CNTNAP2: variants seen among roughly 807,000 people sequenced by gnomAD.
CNTNAP2 encodes contactin associated protein 2, also known as contactin-associated protein-like 2.
Under a neutral mutation model 155.2 loss-of-function variants are expected in CNTNAP2, and 98 were observed. The observed-to-expected ratio is 0.63, with a 90% confidence interval of 0.54 to 0.75. The LOEUF (loss-of-function observed/expected upper bound fraction) is 0.75. CNTNAP2 is among the 30% of genes least tolerant of loss of function. The probability of loss-of-function intolerance (pLI) is 0.00; values close to 1 mark genes in which losing one functional copy is unlikely to be tolerated. For missense variants in CNTNAP2, 1,727 were observed against 1,688.1 expected (o/e 1.02, Z -0.40); for synonymous variants, 651 against 631.2 (o/e 1.03, Z -0.47).
At chr7:146,567,811 C>G (rs1025249076) in intron 1 of CNTNAP2, among the ~76,000 whole-genome samples, 3 of 152,106 alleles carry the variant, frequency 2.0e-5, no homozygotes, top group Non-Finnish European at 4.4e-5. Flanking sequence ...AGCTCCGCCT[C>G]CCGGGTTCAG....
intron 22 of CNTNAP2, among the ~76,000 whole-genome samples, chr7:148,407,555 T>A (rs1042700244): frequency 6.6e-5 from 10 of 151,794 alleles, no homozygotes; most frequent in African/African-American, 7.3e-5. Flanking sequence ...AATAAAAAAA[T>A]TTGCCAGGTG....
chr7:147,804,178 A>T (rs573169145), intron 13 of CNTNAP2, among the ~76,000 whole-genome samples: 2 of 152,338 alleles, frequency 1.3e-5, no homozygotes, highest in South Asian at 4.1e-4. Context: ...CCAGATCTAT[A>T]AAGGGATCTA....
At chr7:146,904,556 G>C (rs142109218) in intron 3 of CNTNAP2, among the ~76,000 whole-genome samples, 2,233 of 152,136 alleles carry the variant, frequency 0.015, 58 homozygotes, top group African/African-American at 0.051. Flanking sequence ...ACTGCAAGCT[G>C]CGCCTCCCAG....
chr7:148,034,620 G>A (rs568227154), intron 15 of CNTNAP2, among the ~76,000 whole-genome samples: 4 of 152,296 alleles, frequency 2.6e-5, no homozygotes, highest in South Asian at 2.1e-4. Flanking sequence ...CAAAACAGAC[G>A]AAGACAGAAA....
intron 10 of CNTNAP2, among the ~76,000 whole-genome samples, chr7:147,457,558 A>T (rs1184716016): frequency 6.7e-5 from 3 of 44,560 alleles, no homozygotes; most frequent in African/African-American, 3.5e-4. Context: ...AAGATATGAG[A>T]GGTTTTTTTT....
intron 1 of CNTNAP2, among the ~76,000 whole-genome samples, chr7:146,530,630 C>T (rs1797756719): frequency 6.6e-6 from 1 of 152,098 alleles, no homozygotes; most frequent in East Asian, 1.9e-4. Flanking sequence ...AAATGCTGAA[C>T]ATCACTAATC....
chr7:146,376,236 G>GA (rs944339815), intron 1 of CNTNAP2, among the ~76,000 whole-genome samples: 2 of 151,994 alleles, frequency 1.3e-5, no homozygotes, highest in East Asian at 1.9e-4. Context: ...ATACAATGGG[G>GA]AAAAAAATTG....
At chr7:147,646,856 A>T (rs1795373560) in intron 13 of CNTNAP2, among the ~76,000 whole-genome samples, 2 of 152,230 alleles carry the variant, frequency 1.3e-5, no homozygotes, top group African/African-American at 4.8e-5. Context: ...ACGTGGACTT[A>T]TTGAATAGTT....
intron 23 of CNTNAP2, among the ~76,000 whole-genome samples, chr7:148,413,401 A>AAAAAAAAAAATAT (rs1442990213): frequency 1.5e-4 from 7 of 45,362 alleles, no homozygotes; most frequent in Admixed American, 1.8e-4. Context: ...TCAAAAAAAA[A>AAAAAAAAAAATAT]ATATATATAT....
At chr7:148,299,251 A>G (rs913174564) in intron 21 of CNTNAP2, among the ~76,000 whole-genome samples, 1 of 152,154 alleles carries the variant, frequency 6.6e-6, no homozygotes, top group Non-Finnish European at 1.5e-5. Context: ...CAGCCTCCCA[A>G]AATGCTGGTA....
At chr7:146,948,698 T>C (rs1032155046) in intron 3 of CNTNAP2, among the ~76,000 whole-genome samples, 7 of 152,218 alleles carry the variant, frequency 4.6e-5, no homozygotes, top group Middle Eastern at 3.2e-3. Context: ...GACAACTCTT[T>C]GGATGAGGTG....
chr7:147,942,753 A>T (rs1384662881), intron 14 of CNTNAP2, among the ~76,000 whole-genome samples: 1 of 152,160 alleles, frequency 6.6e-6, no homozygotes, highest in Non-Finnish European at 1.5e-5. Context: ...ACTGTGTCTT[A>T]CTGGCCAGGC....
chr7:146,251,941 T>C (rs557589948), intron 1 of CNTNAP2, among the ~76,000 whole-genome samples: 12 of 152,308 alleles, frequency 7.9e-5, no homozygotes, highest in African/African-American at 2.6e-4. Flanking sequence ...CAATCTCAAT[T>C]CTCAAAGGCT....
intron 13 of CNTNAP2, among the ~76,000 whole-genome samples, chr7:147,835,935 C>T (rs1234265610): frequency 6.6e-6 from 1 of 152,180 alleles, no homozygotes; most frequent in African/African-American, 2.4e-5. Flanking sequence ...AACCTCCTCC[C>T]CTGGAGCTGT....
chr7:148,232,866 G>A lies in CNTNAP2; in HGVS notation c.3381+3087G>A, dbSNP rs999835273. 5.3e-5 allele frequency among the ~76,000 whole-genome samples: 8 copies of A among 152,190 alleles called. 1 individual carries two copies. Among genetic ancestry groups the A allele is most frequent in the African/African-American group, 1.7e-4 (7 of 41,446 alleles). ...CATTAAATTAATCTGCATTCCCTCA[G>A]CACACACCCTGTGAAACAGCACTGA... On this transcript the variant is annotated intron_variant, in intron 20 of 23. Coordinates refer to ENST00000361727, the MANE Select transcript of CNTNAP2 (RefSeq NM_014141.6).
At chr7:148,328,736 G>A (rs554553222) in intron 21 of CNTNAP2, among the ~76,000 whole-genome samples, 7 of 152,078 alleles carry the variant, frequency 4.6e-5, no homozygotes, top group African/African-American at 9.6e-5. Context: ...GTGGGAGGCC[G>A]AGGCGGGTGG....
intron 1 of CNTNAP2, among the ~76,000 whole-genome samples, chr7:146,543,108 A>G: frequency 6.6e-6 from 1 of 151,940 alleles, no homozygotes; most frequent in East Asian, 1.9e-4. Context: ...ATGCAATGTT[A>G]ATTACCCAAA....
intron 8 of CNTNAP2, among the ~76,000 whole-genome samples, chr7:147,271,949 A>G (rs1804762240): frequency 6.6e-6 from 1 of 151,946 alleles, no homozygotes; most frequent in African/African-American, 2.4e-5. Flanking sequence ...CTGGAGTGCT[A>G]TGGCGCAGTC....
At chr7:148,353,806 A>G (rs936021411) in intron 21 of CNTNAP2, among the ~76,000 whole-genome samples, 1 of 152,230 alleles carries the variant, frequency 6.6e-6, no homozygotes, top group Admixed American at 6.5e-5. Context: ...TAAAATAAGT[A>G]CATTTTTGGG....
Sources: gnomAD v4.1 joint callset for allele counts (sites outside exome capture counted in the v4.1 genomes callset) on GRCh38, gnomAD v4.1.1 for gene constraint, MANE v1.5 for transcripts, NCBI Gene and HGNC (gene_info 2026-07-23, HGNC 2026-07-21) for gene names.